Variants in PDE1C observed in about 807,000 individuals in gnomAD.
The protein encoded by PDE1C is dual specificity calcium/calmodulin-dependent 3',5'-cyclic nucleotide phosphodiesterase 1C.
A neutral mutation model predicts 93.1 loss-of-function variants in PDE1C; 62 were observed. The observed-to-expected ratio is 0.67, with a 90% CI of 0.54 to 0.82. PDE1C has a LOEUF of 0.82. Ranked by LOEUF, PDE1C falls within the 40% of genes least tolerant of loss-of-function variation. The pLI, the probability that PDE1C is intolerant of heterozygous loss-of-function variation, is 0.00. For missense variants in PDE1C, 742 were observed against 884.6 expected (o/e 0.84, Z 2.04); for synonymous variants, 325 against 310.1 (o/e 1.05, Z -0.50).
In PDE1C at chr7:31,977,330, G is replaced by T. The variant is rs1166494000; in HGVS notation, c.128+74224C>A. 3.3e-5 allele frequency among the ~76,000 whole-genome samples: 5 copies of T among 152,150 alleles called. No individual in the cohort carries two copies. In the South Asian group the frequency reaches 1.0e-3, roughly 32 times the overall value. On this transcript the variant is annotated intron_variant, in intron 2 of 17. Transcript: ENST00000396191. ...GCAAGAAGGTCCTCGCCAGATGCCAGTGTCATGGCCTTGGACTTCCCAGCC... is the reference window on the plus strand; with the variant it reads ...GCAAGAAGGTCCTCGCCAGATGCCATTGTCATGGCCTTGGACTTCCCAGCC...
intron 17 of PDE1C, among the ~76,000 whole-genome samples, chr7:31,759,684 T>C (rs1253754646): frequency 6.6e-6 from 1 of 152,230 alleles, no homozygotes; most frequent in Non-Finnish European, 1.5e-5. Context: ...CAAAAATTGA[T>C]ACATCACCGT....
chr7:32,105,763 C>G (rs1798275730), intron 3 of PDE1C, among the ~76,000 whole-genome samples: 1 of 151,010 alleles, frequency 6.6e-6, no homozygotes, highest in African/African-American at 2.4e-5. Context: ...TGGGCTCAAG[C>G]AATCCTCCTG....
chr7:32,414,560 A>G (rs1307715597), intron 1 of PDE1C, among the ~76,000 whole-genome samples: 4 of 152,206 alleles, frequency 2.6e-5, no homozygotes, highest in South Asian at 4.1e-4. Flanking sequence ...TTAAAAGAGA[A>G]TGAAACCATT....
chr7:32,122,568 A>G (rs901678666), intron 3 of PDE1C, among the ~76,000 whole-genome samples: 1 of 152,210 alleles, frequency 6.6e-6, no homozygotes, highest in African/African-American at 2.4e-5. Context: ...ACTTACTCAA[A>G]ACCACACAAT....
intron 1 of PDE1C, among the ~76,000 whole-genome samples, chr7:32,307,627 T>C (rs1457996963): frequency 2.0e-5 from 3 of 152,160 alleles, no homozygotes. Flanking sequence ...TGCCCAGGAC[T>C]GAGGTCATGA....
the PDE1C span, among the ~76,000 whole-genome samples, chr7:31,679,786 G>A: frequency 2.0e-5 from 3 of 152,210 alleles, no homozygotes; most frequent in Admixed American, 1.3e-4. Flanking sequence ...CAACAAGGCA[G>A]CCTTATATGA....
intron 3 of PDE1C, among the ~76,000 whole-genome samples, chr7:32,142,180 G>A (rs571031782): frequency 2.8e-4 from 42 of 152,226 alleles, no homozygotes; most frequent in African/African-American, 1.0e-3. Context: ...AGAAGAAAAG[G>A]CAGAAGGAGA....
the PDE1C span, among the ~76,000 whole-genome samples, chr7:31,618,557 T>A: frequency 2.0e-5 from 3 of 152,116 alleles, no homozygotes; most frequent in Non-Finnish European, 2.9e-5. Context: ...GTAGAGATGA[T>A]GTTAGGAAAG....
chr7:31,819,782 T>C (rs1251045563), intron 14 of PDE1C, among the ~76,000 whole-genome samples: 1 of 152,112 alleles, frequency 6.6e-6, no homozygotes, highest in Non-Finnish European at 1.5e-5. Flanking sequence ...AAAAACTGTA[T>C]TGGGCTAATT....
chr7:31,983,882 C>T lies in PDE1C; in HGVS notation c.128+67672G>A, dbSNP rs559446655. ...GATCACATGCAGGGGCTCTTCTGAG[C>T]TCGGGCTGTTGAATCCAGGCCTGAC... On this transcript the variant is annotated intron_variant, in intron 2 of 17. Transcript: ENST00000396191. Among the ~76,000 whole-genome samples, 193 of 152,234 alleles carry T rather than the reference C, an allele frequency of 1.3e-3. 3 individuals are homozygous for T. The highest frequency in any genetic ancestry group is 4.3e-3 in the African/African-American group (179 of 41,538).
At chr7:32,218,296 A>G (rs566820573) in intron 1 of PDE1C, among the ~76,000 whole-genome samples, 1 of 152,130 alleles carries the variant, frequency 6.6e-6, no homozygotes, top group Admixed American at 6.5e-5. Context: ...TGTCAAATCC[A>G]CTCTGAATCA....
chr7:31,908,747 T>C (rs1487456619), intron 2 of PDE1C, among the ~76,000 whole-genome samples: 2 of 152,156 alleles, frequency 1.3e-5, no homozygotes, highest in African/African-American at 4.8e-5. Flanking sequence ...ATTGCAGTGA[T>C]ATATGTCCAC....
the PDE1C span, chr7:31,692,259 T>C: frequency 1.1e-5 from 6 of 536,318 alleles, no homozygotes; most frequent in East Asian, 1.8e-4. Context: ...GAGTTTCTAA[T>C]AGCCAAGTTT....
chr7:31,854,212 C>A (rs1793713465), intron 7 of PDE1C, among the ~76,000 whole-genome samples: 1 of 152,006 alleles, frequency 6.6e-6, no homozygotes, highest in Non-Finnish European at 1.5e-5. Flanking sequence ...GCTAATAAAC[C>A]CCTCAGGTGA....
chr7:31,714,642 G>T, the PDE1C span, among the ~76,000 whole-genome samples: 1 of 152,206 alleles, frequency 6.6e-6, no homozygotes, highest in East Asian at 1.9e-4. Flanking sequence ...CATGGCTGAG[G>T]AGGCCTGGCA....
chr7:32,292,346 C>T (rs780703829), intron 1 of PDE1C, among the ~76,000 whole-genome samples: 1 of 152,110 alleles, frequency 6.6e-6, no homozygotes, highest in Non-Finnish European at 1.5e-5. Context: ...TACTGCAGAT[C>T]TTTAGAGCTT....
chr7:31,740,217 G>A, the PDE1C span, among the ~76,000 whole-genome samples: 1 of 152,104 alleles, frequency 6.6e-6, no homozygotes, highest in African/African-American at 2.4e-5. Context: ...TGCTATTTAG[G>A]GAATTCTGCA....
intron 17 of PDE1C, among the ~76,000 whole-genome samples, chr7:31,774,423 A>T (rs1795700354): frequency 6.6e-6 from 1 of 152,214 alleles, no homozygotes; most frequent in Non-Finnish European, 1.5e-5. Flanking sequence ...GGACAAACTC[A>T]CACTAAAACC....
At chr7:32,416,599 C>G (rs1395401048) in intron 1 of PDE1C, among the ~76,000 whole-genome samples, 1 of 152,144 alleles carries the variant, frequency 6.6e-6, no homozygotes, top group African/African-American at 2.4e-5. Context: ...CCCTGCCACC[C>G]ACCCATTCCT....
Sources: allele counts gnomAD v4.1 joint callset (sites outside exome capture counted in the v4.1 genomes callset), GRCh38; gene constraint gnomAD v4.1.1; transcripts MANE v1.5; gene names NCBI Gene and HGNC (gene_info 2026-07-23, HGNC 2026-07-21).